The following NAV3 variants were observed in gnomAD, a reference collection of about 807,000 sequenced individuals.
NAV3 encodes the protein pore membrane and/or filament interacting like protein 1.
In NAV3, 87 loss-of-function variants were observed where a neutral mutation model predicts 244.7. That is an observed-to-expected ratio of 0.36 (90% CI 0.30 to 0.42). NAV3 has a LOEUF of 0.42. Among genes scored for constraint, NAV3 ranks in the 20% least tolerant of loss-of-function variants. NAV3 has a pLI of 1.00. For synonymous variants in NAV3, 1,126 were observed against 1,042.2 expected, an observed-to-expected ratio of 1.08 and a Z score of -1.55; for missense variants, 2,663 against 2,893.3, an observed-to-expected ratio of 0.92 and a Z score of 1.83.
At chr12:78,139,081 T>C (rs1956496029) in intron 19 of NAV3, among the ~76,000 whole-genome samples, 1 of 145,866 alleles carries the variant, frequency 6.9e-6, no homozygotes, top group Admixed American at 7.3e-5. Flanking sequence ...GAGGGTATTA[T>C]TAGAGATAGA....
intron 34 of NAV3, among the ~76,000 whole-genome samples, chr12:78,194,394 G>A (rs542901045): frequency 6.6e-6 from 1 of 151,260 alleles, no homozygotes; most frequent in Admixed American, 6.6e-5. Flanking sequence ...TCTTTTTTTG[G>A]GATATATTCA....
intron 2 of NAV3, among the ~76,000 whole-genome samples, chr12:77,585,782 T>G (rs1426934762): frequency 6.6e-6 from 1 of 152,202 alleles, no homozygotes; most frequent in African/African-American, 2.4e-5. Context: ...TGGTCCAGCC[T>G]GGGGGTTGGG....
rs1357030346 is a variant in NAV3 at position 77,723,328 on chromosome 12, ATAAT to A, written c.72+151068_72+151071del. Among the ~76,000 whole-genome samples, 11 of 151,042 alleles carry A rather than the reference ATAAT, an allele frequency of 7.3e-5. 1 individual carries two copies. The highest frequency in any genetic ancestry group is 1.5e-5 in the Non-Finnish European group (1 of 67,680). On this transcript the variant is annotated intron_variant, in intron 2 of 8. Coordinates refer to the NAV3 transcript ENST00000550042. ...AACTTTTCAGTTTTGCAAAACTATAATAATTAATTCTTACAATAATGTTATTGAA... is the reference window on the plus strand; with the variant it reads ...AACTTTTCAGTTTTGCAAAACTATAATAATTCTTACAATAATGTTATTGAA...
chr12:77,873,516 A>G (rs1159134415), intron 1 of NAV3, among the ~76,000 whole-genome samples: 1 of 151,326 alleles, frequency 6.6e-6, no homozygotes, highest in African/African-American at 2.4e-5. Flanking sequence ...ATTTTAATAC[A>G]TTTCTAATAT....
chr12:77,875,550 C>T (rs1450969129), intron 1 of NAV3, among the ~76,000 whole-genome samples: 1 of 151,972 alleles, frequency 6.6e-6, no homozygotes. Context: ...ATATAGAACA[C>T]AAACAATAAA....
intron 5 of NAV3, among the ~76,000 whole-genome samples, chr12:77,978,969 A>G (rs1409607783): frequency 6.6e-6 from 1 of 152,010 alleles, no homozygotes; most frequent in Non-Finnish European, 1.5e-5. Flanking sequence ...AAACATATTA[A>G]TAATTATGGA....
chr12:78,144,734 AT>A (rs1380477771), intron 20 of NAV3, among the ~76,000 whole-genome samples: 3 of 151,728 alleles, frequency 2.0e-5, no homozygotes, highest in African/African-American at 4.8e-5. Flanking sequence ...TTATTTAAAA[AT>A]ACATGAATTA....
At chr12:78,090,743 A>G (rs1566116819) in intron 12 of NAV3, among the ~76,000 whole-genome samples, 1 of 152,198 alleles carries the variant, frequency 6.6e-6, no homozygotes, top group African/African-American at 2.4e-5. Flanking sequence ...TTTATGACCT[A>G]TCTTTAAAGT....
chr12:77,982,647 C>T (rs907312799), intron 5 of NAV3, among the ~76,000 whole-genome samples: 1 of 152,128 alleles, frequency 6.6e-6, no homozygotes, highest in Admixed American at 6.5e-5. Flanking sequence ...TGGCACAAAA[C>T]AGTAACCATT....
intron 2 of NAV3, among the ~76,000 whole-genome samples, chr12:77,688,489 G>C (rs1874861612): frequency 6.6e-6 from 1 of 151,972 alleles, no homozygotes; most frequent in Non-Finnish European, 1.5e-5. Flanking sequence ...CTAGTCTAGG[G>C]ACAAAATAAT....
At chr12:78,185,237 G>A (rs10777808) in intron 30 of NAV3, among the ~76,000 whole-genome samples, 67,488 of 151,476 alleles carry the variant, frequency 0.45, 15,649 homozygotes, top group East Asian at 0.75. Flanking sequence ...ATTTTAGATT[G>A]GATAGAAAAA....
chr12:77,686,284 G>A (rs977741031), intron 2 of NAV3, among the ~76,000 whole-genome samples: 1 of 152,002 alleles, frequency 6.6e-6, no homozygotes, highest in Admixed American at 6.6e-5. Context: ...GTAGAGACGG[G>A]GTTTCACCAT....
intron 1 of NAV3, among the ~76,000 whole-genome samples, chr12:77,888,285 G>C (rs1359574280): frequency 6.6e-6 from 1 of 152,044 alleles, no homozygotes; most frequent in Admixed American, 6.6e-5. Flanking sequence ...AGGAGTTTGA[G>C]ACTCAACTGA....
At chr12:78,036,980 G>A (rs1486713829) in intron 9 of NAV3, 7 of 702,946 alleles carry the variant, frequency 1.0e-5, no homozygotes, top group Middle Eastern at 2.3e-4. Flanking sequence ...ATGGGGAGAG[G>A]AGACCCACGG....
chr12:77,963,959 C>T (rs1173084708), intron 3 of NAV3, among the ~76,000 whole-genome samples: 1 of 142,006 alleles, frequency 7.0e-6, no homozygotes, highest in Non-Finnish European at 1.6e-5. Context: ...CTCCTTCCTC[C>T]TCCTTCACCC....
At chr12:78,028,267 A>T (rs1251553205) in intron 9 of NAV3, among the ~76,000 whole-genome samples, 1 of 152,212 alleles carries the variant, frequency 6.6e-6, no homozygotes. Flanking sequence ...AAATAAGCAA[A>T]GATCTTTCAC....
chr12:78,161,324 A>G (rs968389169), intron 23 of NAV3, among the ~76,000 whole-genome samples: 5 of 152,140 alleles, frequency 3.3e-5, no homozygotes, highest in African/African-American at 1.2e-4. Flanking sequence ...AAATTATAAG[A>G]TAACACCAAA....
intron 2 of NAV3, among the ~76,000 whole-genome samples, chr12:77,655,052 C>T (rs1873023656): frequency 6.6e-6 from 1 of 152,162 alleles, no homozygotes; most frequent in African/African-American, 2.4e-5. Context: ...AGCAGAGCAC[C>T]TCTCCTCCTC....
At chr12:77,884,346 G>T (rs988271765) in intron 1 of NAV3, among the ~76,000 whole-genome samples, 6 of 152,212 alleles carry the variant, frequency 3.9e-5, no homozygotes, top group Admixed American at 1.3e-4. Flanking sequence ...GCAAATTATG[G>T]AGTCTAAATC....
Sources: gnomAD v4.1 joint callset for allele counts (sites outside exome capture counted in the v4.1 genomes callset) on GRCh38, gnomAD v4.1.1 for gene constraint, MANE v1.5 for transcripts, NCBI Gene and HGNC (gene_info 2026-07-23, HGNC 2026-07-21) for gene names.